SEPTIN7: variants seen among roughly 807,000 people sequenced by gnomAD.
SEPTIN7 encodes septin 7, also known as septin-7.
A neutral mutation model predicts 63.3 loss-of-function variants in SEPTIN7; 10 were observed. That is an observed-to-expected ratio of 0.16 (90% confidence interval 0.10 to 0.27). The LOEUF (loss-of-function observed/expected upper bound fraction) is 0.27, where lower values mean the gene tolerates loss of function less well. Ranked by LOEUF, SEPTIN7 falls within the 10% of genes least tolerant of loss-of-function variation. The pLI, the probability that SEPTIN7 is intolerant of heterozygous loss-of-function variation, is 1.00. For missense variants in SEPTIN7, 310 were observed against 521.0 expected (o/e 0.59, Z 3.94); for synonymous variants, 131 against 165.3 (o/e 0.79, Z 1.59).
At chr7:35,912,426 G>A in the SEPTIN7 span, among the ~76,000 whole-genome samples, 2 of 152,230 alleles carry the variant, frequency 1.3e-5, no homozygotes, top group Non-Finnish European at 2.9e-5. Flanking sequence ...GATACTTTTA[G>A]TTAATTGAAT....
At chr7:35,887,251 C>T (rs538146177) in intron 10 of SEPTIN7, among the ~76,000 whole-genome samples, 3 of 152,356 alleles carry the variant, frequency 2.0e-5, no homozygotes, top group Admixed American at 1.3e-4. Context: ...GTGCTTGACA[C>T]AATGGCATTC....
intron 1 of SEPTIN7, among the ~76,000 whole-genome samples, chr7:35,809,551 A>G (rs774499599): frequency 2.0e-5 from 3 of 152,202 alleles, no homozygotes; most frequent in Non-Finnish European, 4.4e-5. Context: ...AATTTGTGAT[A>G]CGATATAAAG....
chr7:35,878,422 C>T (rs1786612404), intron 6 of SEPTIN7, among the ~76,000 whole-genome samples: 1 of 152,104 alleles, frequency 6.6e-6, no homozygotes, highest in Non-Finnish European at 1.5e-5. Flanking sequence ...GCCAGGAATG[C>T]TAAGAGATGA....
chr7:35,877,624 C>T (rs995398225), intron 6 of SEPTIN7, among the ~76,000 whole-genome samples: 1 of 152,150 alleles, frequency 6.6e-6, no homozygotes, highest in Non-Finnish European at 1.5e-5. Context: ...CTAGTATCTT[C>T]ATTTATTCTT....
intron 3 of SEPTIN7, among the ~76,000 whole-genome samples, chr7:35,841,145 C>T (rs557768000): frequency 2.0e-5 from 3 of 151,970 alleles, no homozygotes; most frequent in East Asian, 3.9e-4. Context: ...TGCTTGAACC[C>T]GGGAGGCAGG....
chr7:35,827,590 A>C (rs971631213), intron 1 of SEPTIN7, among the ~76,000 whole-genome samples: 1 of 152,120 alleles, frequency 6.6e-6, no homozygotes, highest in Non-Finnish European at 1.5e-5. Context: ...TCCCAGGTTC[A>C]AGTGATTCTC....
In SEPTIN7 at chr7:35,904,439, TTCTTGA is replaced by T. The variant is rs1788502095; in HGVS notation, c.*148_*153del. ...ATGACAAAAATTATTTTTTTTTTTG[TTCTTGA>T]TGGAGATTAAGATGCCTTGAATTGT... On this transcript the variant is annotated 3_prime_UTR_variant, in exon 14 of 14. Transcript: ENST00000350320. The T allele has an allele frequency of 7.2e-6, 4 of 555,384 alleles. No individual in the cohort carries two copies. The highest frequency in any genetic ancestry group is 1.2e-5 in the Non-Finnish European group (4 of 335,500). 34.4% of individuals were successfully genotyped at this position (555,384 alleles called of 1,614,324 possible).
At chr7:35,850,672 T>C (rs1389128888) in intron 3 of SEPTIN7, among the ~76,000 whole-genome samples, 2 of 152,190 alleles carry the variant, frequency 1.3e-5, no homozygotes, top group Non-Finnish European at 2.9e-5. Flanking sequence ...GATTTCTCAG[T>C]TTTCTGAAAT....
intron 11 of SEPTIN7, among the ~76,000 whole-genome samples, chr7:35,896,151 T>C (rs1787950520): frequency 6.6e-6 from 1 of 152,212 alleles, no homozygotes. Flanking sequence ...CCGCAGTCTC[T>C]TATTTTCCCC....
the SEPTIN7 span, among the ~76,000 whole-genome samples, chr7:35,913,264 C>G: frequency 6.6e-6 from 1 of 152,178 alleles, no homozygotes; most frequent in South Asian, 2.1e-4. Flanking sequence ...AGAATTTGCT[C>G]CAGGTGTTTG....
chr7:35,900,200 T>C (rs1344441776), intron 12 of SEPTIN7: 1 of 152,258 alleles, frequency 6.6e-6, no homozygotes, highest in African/African-American at 2.4e-5. Context: ...TCCACATCAT[T>C]TCTCTTACAT....
chr7:35,832,857 A>T lies in SEPTIN7; in HGVS notation c.126A>T (p.Arg42Ser). ...CCAATCTCCCAAATCAAGTATACAG[A>T]AAATCGGTGAAGAGAGGTTTTGAAT... ...GFANLPNQVY[R>S]KSVKRGFEFT... is the part of the protein sequence containing the mutation. Residue 42 changes from arginine (R) to serine (S), a missense_variant, in exon 3 of 14, where the codon AGA becomes AGT. By Grantham distance (110) the Arg-to-Ser change is moderately radical (BLOSUM62 -1). Transcript: ENST00000350320. The T allele has an allele frequency of 6.2e-7, 1 of 1,611,132 alleles. No homozygotes were observed. Among genetic ancestry groups the T allele is most frequent in the Non-Finnish European group, 8.5e-7 (1 of 1,177,432 alleles).
the SEPTIN7 span, among the ~76,000 whole-genome samples, chr7:35,914,029 C>A: frequency 6.6e-6 from 1 of 152,176 alleles, no homozygotes. Context: ...AGCCATAGAA[C>A]AGAATACTAT....
Position 35,906,411 on chromosome 7 carries a change from GAGA to G in SEPTIN7, c.*2122_*2124del, listed in dbSNP as rs1438738256. The G allele has an allele frequency of 3.3e-5, 5 of 152,284 alleles. No homozygotes were observed. The East Asian group carries it at 5.8e-4, about 18-fold the overall frequency. 9.4% of individuals were successfully genotyped at this position (152,284 alleles called of 1,614,324 possible). ...TTTGCCATTTGGCCTGTGGATGTCT[GAGA>G]AGATCATTCACAATACATGTAAAAT... is the stretch of plus-strand genomic sequence containing the variant. On this transcript the variant is annotated 3_prime_UTR_variant, in exon 14 of 14. Coordinates refer to ENST00000350320, the MANE Select transcript of SEPTIN7 (RefSeq NM_001788.6).
intron 1 of SEPTIN7, among the ~76,000 whole-genome samples, chr7:35,811,165 G>T (rs188468348): frequency 7.9e-5 from 12 of 152,124 alleles, no homozygotes; most frequent in African/African-American, 2.7e-4. Flanking sequence ...TGTGTAAGAG[G>T]AGGCAAAATT....
At chr7:35,808,624 C>T (rs925774260) in intron 1 of SEPTIN7, among the ~76,000 whole-genome samples, 2 of 152,194 alleles carry the variant, frequency 1.3e-5, no homozygotes, top group Non-Finnish European at 2.9e-5. Flanking sequence ...TTAAATGCTA[C>T]TTCCTTTGGA....
chr7:35,835,527 C>T (rs1784043316), intron 3 of SEPTIN7, among the ~76,000 whole-genome samples: 1 of 152,132 alleles, frequency 6.6e-6, no homozygotes. Context: ...GAACCAAACC[C>T]AGTCTACTGC....
intron 1 of SEPTIN7, among the ~76,000 whole-genome samples, chr7:35,830,578 C>G (rs905176107): frequency 1.3e-5 from 2 of 152,128 alleles, no homozygotes; most frequent in African/African-American, 4.8e-5. Flanking sequence ...TCGGCTTTTA[C>G]TTTTGAGGAA....
intron 10 of SEPTIN7, among the ~76,000 whole-genome samples, chr7:35,889,605 G>C (rs1167287107): frequency 6.6e-6 from 1 of 151,996 alleles, no homozygotes; most frequent in South Asian, 2.1e-4. Context: ...AGTGCAATGC[G>C]TGATCTTGGC....
Sources: gnomAD v4.1 joint callset for allele counts (sites outside exome capture counted in the v4.1 genomes callset) on GRCh38, gnomAD v4.1.1 for gene constraint, MANE v1.5 for transcripts, NCBI Gene and HGNC (gene_info 2026-07-23, HGNC 2026-07-21) for gene names.